Variants in MINDY3 observed in about 807,000 individuals in gnomAD.
The protein encoded by MINDY3 is MINDY lysine 48 deubiquitinase 3, also known as ubiquitin carboxyl-terminal hydrolase MINDY-3.
MINDY3 carries 38 observed loss-of-function variants against 69.2 expected under a neutral mutation model. The observed-to-expected ratio is 0.55, with a 90% CI of 0.42 to 0.72. MINDY3 has a LOEUF of 0.72. Among genes scored for constraint, MINDY3 ranks in the 30% least tolerant of loss-of-function variants. MINDY3 has a pLI of 0.00. For missense variants in MINDY3, 522 were observed against 519.0 expected (o/e 1.01, Z -0.06); for synonymous variants, 192 against 180.1 (o/e 1.07, Z -0.53).
rs149607372 is a variant in MINDY3 at position 15,778,642 on chromosome 10, A to G, written c.*350T>C. 1.7e-3 allele frequency: 283 copies of G among 163,566 alleles called. 1 individual carries two copies. The highest frequency in any genetic ancestry group is 6.4e-3 in the African/African-American group (267 of 41,952). 10.1% of individuals were successfully genotyped at this position (163,566 alleles called of 1,614,324 possible). The stretch of plus-strand genomic sequence containing the variant: ...AAAGTGCCTCAATGAAATAAAACCC[A>G]AAAGTAGTTTATCAATAGTAACTGT... On this transcript the variant is annotated 3_prime_UTR_variant, in exon 15 of 15. Transcript: ENST00000277632.
intron 11 of MINDY3, among the ~76,000 whole-genome samples, chr10:15,794,239 T>G (rs563861303): frequency 1.3e-5 from 2 of 152,244 alleles, no homozygotes; most frequent in African/African-American, 4.8e-5. Context: ...TGTAAGAACT[T>G]TCTGCATACT....
chr10:15,858,029 T>C (rs1834818782), intron 1 of MINDY3: 1 of 683,506 alleles, frequency 1.5e-6, no homozygotes, highest in Non-Finnish European at 1.8e-6. Context: ...GTCTTGTGCC[T>C]GTTCCCACAA....
chr10:15,781,402 TA>T (rs1783117439), intron 14 of MINDY3, among the ~76,000 whole-genome samples: 1 of 135,000 alleles, frequency 7.4e-6, no homozygotes, highest in South Asian at 2.2e-4. Flanking sequence ...ACATATATAT[TA>T]TATATATATA....
chr10:15,829,314 G>A (rs1282025391), intron 8 of MINDY3, among the ~76,000 whole-genome samples: 4 of 152,170 alleles, frequency 2.6e-5, no homozygotes, highest in Admixed American at 6.5e-5. Flanking sequence ...CGTCTGAATA[G>A]AACAGTGGTT....
At chr10:15,846,800 T>C (rs1373687370) in intron 2 of MINDY3, among the ~76,000 whole-genome samples, 1 of 151,454 alleles carries the variant, frequency 6.6e-6, no homozygotes, top group Non-Finnish European at 1.5e-5. Context: ...CTCGGCTCAC[T>C]GCAACATCCA....
chr10:15,848,060 AATCATGAGGTGTGG>A (rs1833976771), intron 1 of MINDY3, 117 bp from the exon 2 acceptor site: 7 of 797,680 alleles, frequency 8.8e-6, no homozygotes, highest in Non-Finnish European at 1.5e-5. Context: ...AATATCTTCA[AATCATGAGGTGTGG>A]ATCAAGGAAC....
intron 8 of MINDY3, among the ~76,000 whole-genome samples, chr10:15,833,113 C>G (rs1832843089): frequency 6.6e-6 from 1 of 152,108 alleles, no homozygotes; most frequent in Non-Finnish European, 1.5e-5. Flanking sequence ...ATGTGCCTGA[C>G]AACATACGAA....
chr10:15,782,011 C>T (rs1836574086), intron 14 of MINDY3, 144 bp downstream of exon 14: 4 of 685,268 alleles, frequency 5.8e-6, no homozygotes, highest in Non-Finnish European at 1.0e-5. Context: ...CCAAAGATGG[C>T]TGATTCTAAA....
rs576934058 is a variant in MINDY3, at chr10:15,800,757, A to C, written c.883-4585T>G. Among the ~76,000 whole-genome samples, 2 of 152,186 alleles carry C rather than the reference A, an allele frequency of 1.3e-5. 1 individual carries two copies. The highest frequency in any genetic ancestry group is 4.1e-4 in the South Asian group (2 of 4,830). On this transcript the variant is annotated intron_variant, in intron 10 of 14. Transcript: ENST00000277632. ...CTATGTCAAGATAAATGAATCCAGC[A>C]TAAATATCGTAAAGAAAGAAAAGGA...
At chr10:15,856,904 C>A (rs915513904) in intron 1 of MINDY3, among the ~76,000 whole-genome samples, 2 of 152,122 alleles carry the variant, frequency 1.3e-5, no homozygotes, top group African/African-American at 4.8e-5. Flanking sequence ...ATCTTTTCTC[C>A]CCTGGACTGC....
chr10:15,784,664 G>A (rs1326926715), intron 13 of MINDY3, among the ~76,000 whole-genome samples: 1 of 152,194 alleles, frequency 6.6e-6, no homozygotes, highest in East Asian at 1.9e-4. Context: ...TTGGACCAGG[G>A]AGGCGGAGGT....
Position 15,853,114 on chromosome 10 carries a change from C to T in MINDY3, c.95-5171G>A, listed in dbSNP as rs144194614. 4.7e-3 allele frequency among the ~76,000 whole-genome samples: 721 copies of T among 151,792 alleles called. 18 individuals are homozygous for T. The highest frequency in any genetic ancestry group is 5.0e-3 in the East Asian group (26 of 5,158). ...AACAGACAACTATATTTAAGTTTGG[C>T]AGAAGGGAAAAAGGAATGATAGTTT... is the stretch of plus-strand genomic sequence containing the variant. On this transcript the variant is annotated intron_variant, in intron 1 of 14. Coordinates refer to ENST00000277632, the MANE Select transcript of MINDY3 (RefSeq NM_024948.4).
At chr10:15,819,143 AAT>A (rs915214075) in intron 9 of MINDY3, among the ~76,000 whole-genome samples, 8 of 152,282 alleles carry the variant, frequency 5.3e-5, no homozygotes, top group African/African-American at 1.9e-4. Flanking sequence ...GTATAATCAA[AAT>A]GATATTGCAA....
At chr10:15,827,591 A>G (rs12264533) in intron 8 of MINDY3, among the ~76,000 whole-genome samples, 51,746 of 151,782 alleles carry the variant, frequency 0.34, 10,803 homozygotes, top group African/African-American at 0.6. Context: ...TTGGATATAA[A>G]AAAATATATC....
At chr10:15,857,791 G>T in intron 1 of MINDY3, 1 of 250,566 alleles carries the variant, frequency 4.0e-6, no homozygotes, top group Non-Finnish European at 6.3e-6. Flanking sequence ...CACTCCTGCA[G>T]CTTATTGTTT....
At chr10:15,804,522 GATTC>G (rs1471906466) in intron 10 of MINDY3, among the ~76,000 whole-genome samples, 1 of 152,018 alleles carries the variant, frequency 6.6e-6, no homozygotes, top group African/African-American at 2.4e-5. Context: ...CTGCTGTCAC[GATTC>G]ATCAAAGAAC....
At chr10:15,814,765 G>A (rs1839241047) in intron 10 of MINDY3, among the ~76,000 whole-genome samples, 1 of 152,114 alleles carries the variant, frequency 6.6e-6, no homozygotes, top group African/African-American at 2.4e-5. Context: ...ACAGCACAAT[G>A]GGCGAGTGCT....
chr10:15,833,776 A>G (rs775082707), intron 7 of MINDY3, 67 bp from the exon 8 acceptor site: 5 of 973,912 alleles, frequency 5.1e-6, no homozygotes, highest in African/African-American at 4.9e-5. Context: ...TTCCTACAGC[A>G]AAGTATAAAG....
At chr10:15,813,777 C>A (rs1839169300) in intron 10 of MINDY3, among the ~76,000 whole-genome samples, 2 of 152,110 alleles carry the variant, frequency 1.3e-5, no homozygotes, top group African/African-American at 4.8e-5. Context: ...AAATTACAGA[C>A]TGCCTTAAAA....
Sources: allele counts gnomAD v4.1 joint callset (sites outside exome capture counted in the v4.1 genomes callset), GRCh38; gene constraint gnomAD v4.1.1; transcripts MANE v1.5; gene names NCBI Gene and HGNC (gene_info 2026-07-23, HGNC 2026-07-21).